The following GRIA4 variants were observed in gnomAD, a reference collection of about 807,000 sequenced individuals.
GRIA4 encodes the protein glutamate ionotropic receptor AMPA type subunit 4.
A neutral mutation model predicts 104.0 loss-of-function variants in GRIA4; 34 were observed. That is an observed-to-expected ratio of 0.33 (90% confidence interval 0.25 to 0.44). The LOEUF is 0.44. Ranked by LOEUF, GRIA4 falls within the 20% of genes least tolerant of loss-of-function variation. The probability of loss-of-function intolerance (pLI) is 1.00; values close to 1 mark genes in which losing one functional copy is unlikely to be tolerated. For missense variants in GRIA4, 750 were observed against 1,096.5 expected (o/e 0.68, Z 4.46); for synonymous variants, 386 against 381.9 (o/e 1.01, Z -0.13).
At chr11:105,842,430 T>G (rs1944427908) in intron 4 of GRIA4, among the ~76,000 whole-genome samples, 1 of 152,144 alleles carries the variant, frequency 6.6e-6, no homozygotes, top group Non-Finnish European at 1.5e-5. Context: ...CTTAAGAAAC[T>G]ACTGCAGTAA....
At chr11:105,884,777 A>G (rs1188084097) in intron 5 of GRIA4, among the ~76,000 whole-genome samples, 7 of 152,214 alleles carry the variant, frequency 4.6e-5, no homozygotes, top group Non-Finnish European at 1.5e-5. Context: ...AATTTATTAT[A>G]GTTTTTTGCT....
At chr11:105,758,789 G>C (rs935850463) in intron 4 of GRIA4, among the ~76,000 whole-genome samples, 5 of 152,134 alleles carry the variant, frequency 3.3e-5, no homozygotes, top group African/African-American at 2.4e-5. Context: ...CTTACTATTT[G>C]TTGCAATGGA....
At chr11:105,833,680 TAA>T (rs1381611204) in intron 4 of GRIA4, among the ~76,000 whole-genome samples, 1 of 151,988 alleles carries the variant, frequency 6.6e-6, no homozygotes, top group African/African-American at 2.4e-5. Context: ...TAAATAATAC[TAA>T]GAGGCCAGAG....
intron 3 of GRIA4, among the ~76,000 whole-genome samples, chr11:105,632,172 T>C (rs987753226): frequency 3.9e-5 from 6 of 152,188 alleles, no homozygotes; most frequent in Admixed American, 1.3e-4. Flanking sequence ...CAGTATCAAT[T>C]TAGAGAATAA....
At position 105,980,582 on chromosome 11, in the gene GRIA4, C is replaced by A. The variant is rs1482362866; in HGVS notation, c.*843C>A. The A allele has an allele frequency of 6.6e-6, 1 of 152,570 alleles. No homozygotes were observed. The highest frequency in any genetic ancestry group is 1.9e-4 in the East Asian group (1 of 5,194). The allele number at this position is 152,570 out of a possible 1,614,324, so 9.5% of individuals were successfully genotyped here. On this transcript the variant is annotated 3_prime_UTR_variant, in exon 17 of 17. Coordinates refer to ENST00000282499, the MANE Select transcript of GRIA4 (RefSeq NM_000829.4). ...AAAACGTTTAGGTTCAATCATCAGT[C>A]TGCGGTGTAGACTCGAAAGAGATGA...
At chr11:105,688,468 G>A (rs1952972428) in intron 3 of GRIA4, among the ~76,000 whole-genome samples, 1 of 152,168 alleles carries the variant, frequency 6.6e-6, no homozygotes, top group African/African-American at 2.4e-5. Context: ...GGCTGAGGCA[G>A]GAGAATGGCG....
chr11:105,625,485 C>G (rs947482864), intron 3 of GRIA4, among the ~76,000 whole-genome samples: 1 of 152,112 alleles, frequency 6.6e-6, no homozygotes, highest in Non-Finnish European at 1.5e-5. Flanking sequence ...AGTAACATTT[C>G]TTTACATAAC....
chr11:105,735,738 T>C, intron 3 of GRIA4, among the ~76,000 whole-genome samples: 1 of 152,140 alleles, frequency 6.6e-6, no homozygotes, highest in East Asian at 1.9e-4. Context: ...GAAGAATCCA[T>C]CTAGATAGTC....
At chr11:105,695,803 G>A (rs1189195529) in intron 3 of GRIA4, among the ~76,000 whole-genome samples, 1 of 152,114 alleles carries the variant, frequency 6.6e-6, no homozygotes, top group East Asian at 1.9e-4. Flanking sequence ...TAAACCTGAA[G>A]ATTATGGAAG....
At chr11:105,742,452 C>T (rs1177449304) in intron 3 of GRIA4, among the ~76,000 whole-genome samples, 1 of 151,872 alleles carries the variant, frequency 6.6e-6, no homozygotes, top group Non-Finnish European at 1.5e-5. Flanking sequence ...AATTAGTATC[C>T]CTTATCTCTT....
At chr11:105,843,018 T>C (rs1378926858) in intron 4 of GRIA4, 4 of 152,252 alleles carry the variant, frequency 2.6e-5, no homozygotes, top group African/African-American at 9.6e-5. Context: ...TCTTGAAGAC[T>C]GTTGACTTCC....
chr11:105,905,367 G>A (rs1268062772), intron 9 of GRIA4, 66 bp downstream of exon 9: 2 of 856,486 alleles, frequency 2.3e-6, no homozygotes, highest in Non-Finnish European at 3.9e-6. Context: ...CATTTTAAAG[G>A]TGTACAGAAG....
intron 9 of GRIA4, among the ~76,000 whole-genome samples, chr11:105,909,385 AAAG>A (rs1299088373): frequency 6.6e-5 from 10 of 152,172 alleles, no homozygotes; most frequent in African/African-American, 2.4e-4. Context: ...GAAATTCAAG[AAAG>A]AAGTTTGTCA....
At chr11:105,899,210 T>G (rs551717567) in intron 7 of GRIA4, among the ~76,000 whole-genome samples, 1 of 152,322 alleles carries the variant, frequency 6.6e-6, no homozygotes, top group South Asian at 2.1e-4. Flanking sequence ...TATTTCATAT[T>G]GGCTATGTCC....
chr11:105,862,602 C>A, intron 5 of GRIA4: 1 of 172,070 alleles, frequency 5.8e-6, no homozygotes, highest in Non-Finnish European at 1.2e-5. Context: ...AGAAGTGCTA[C>A]ATGAGAAACA....
rs183631477 is a variant in GRIA4 at position 105,884,638 on chromosome 11, A to G, written c.673-2881A>G. ...TAAATCTCCAGATCCCTGCTCCCCA[A>G]GCTCTCAGTTACCAGAATGTTGATG... On this transcript the variant is annotated intron_variant, in intron 5 of 16. Transcript: ENST00000282499. Among the ~76,000 whole-genome samples the G allele has an allele frequency of 4.5e-4, 68 of 152,258 alleles. 3 individuals are homozygous for G. The East Asian group carries it at 0.013, about 28-fold the overall frequency.
At chr11:105,651,468 T>C (rs953369845) in intron 3 of GRIA4, among the ~76,000 whole-genome samples, 4 of 152,254 alleles carry the variant, frequency 2.6e-5, no homozygotes, top group African/African-American at 9.6e-5. Context: ...ATCTCTCTCC[T>C]CTCTCATTTT....
intron 14 of GRIA4, among the ~76,000 whole-genome samples, chr11:105,938,094 T>C (rs1948093111): frequency 6.6e-6 from 1 of 152,216 alleles, no homozygotes; most frequent in African/African-American, 2.4e-5. Flanking sequence ...AGATCTACAT[T>C]GGAGTGAGTA....
At chr11:105,821,934 A>G (rs1943588794) in intron 4 of GRIA4, among the ~76,000 whole-genome samples, 1 of 152,142 alleles carries the variant, frequency 6.6e-6, no homozygotes, top group African/African-American at 2.4e-5. Context: ...AATGCAGCAG[A>G]ACTACTGCAC....
Sources: gnomAD v4.1 joint callset for allele counts (sites outside exome capture counted in the v4.1 genomes callset) on GRCh38, gnomAD v4.1.1 for gene constraint, MANE v1.5 for transcripts, NCBI Gene and HGNC (gene_info 2026-07-23, HGNC 2026-07-21) for gene names.